Variants in RTN4RL1 observed in about 807,000 individuals in gnomAD.
RTN4RL1 encodes reticulon-4 receptor-like 1.
In RTN4RL1, 7 loss-of-function variants were observed where a neutral mutation model predicts 25.6. The observed-to-expected ratio is 0.27, with a 90% CI of 0.16 to 0.51. The LOEUF (loss-of-function observed/expected upper bound fraction) is 0.51. RTN4RL1 is among the 20% of genes least tolerant of loss of function. The pLI, the probability that RTN4RL1 is intolerant of heterozygous loss-of-function variation, is 0.97. For missense variants in RTN4RL1, 500 were observed against 615.6 expected (o/e 0.81, Z 1.99); for synonymous variants, 297 against 288.2 (o/e 1.03, Z -0.31).
chr17:1,969,047 G>A lies in RTN4RL1; in HGVS notation c.14-31239C>T, dbSNP rs572784248. Among the ~76,000 whole-genome samples the A allele has an allele frequency of 2.1e-3, 296 of 141,574 alleles. 1 individual carries two copies. Among genetic ancestry groups the A allele is most frequent in the African/African-American group, 7.3e-3 (282 of 38,422 alleles). The allele number at this position is 141,574 out of a possible 152,430, so 92.9% of individuals were successfully genotyped here. A position where few individuals can be genotyped will look rare whatever the true frequency, so the allele number is the denominator to read the frequency against. On this transcript the variant is annotated intron_variant, in intron 1 of 1. Coordinates refer to ENST00000331238, the MANE Select transcript of RTN4RL1 (RefSeq NM_178568.4). ...ACAAGTCAGACTCGTGGGGGAGCTG[G>A]ACCACTGTCCCTTTTTTTTTTTTTT...
chr17:2,011,317 T>TC (rs1307847589), intron 1 of RTN4RL1, among the ~76,000 whole-genome samples: 1 of 152,170 alleles, frequency 6.6e-6, no homozygotes, highest in Non-Finnish European at 1.5e-5. Context: ...TCCATACCCC[T>TC]CCTGGCTGAC....
At chr17:1,975,165 G>A (rs892976370) in intron 1 of RTN4RL1, among the ~76,000 whole-genome samples, 8 of 152,176 alleles carry the variant, frequency 5.3e-5, no homozygotes, top group South Asian at 4.1e-4. Flanking sequence ...ACAGGGAGCC[G>A]AGGAAATCCC....
chr17:1,958,793 C>T (rs772524297), intron 1 of RTN4RL1, among the ~76,000 whole-genome samples: 9 of 152,346 alleles, frequency 5.9e-5, no homozygotes, highest in Admixed American at 1.3e-4. Context: ...CGTCCTCCTC[C>T]GGAAGCCTGA....
At chr17:2,015,862 C>T (rs1027021178) in intron 1 of RTN4RL1, among the ~76,000 whole-genome samples, 7 of 152,158 alleles carry the variant, frequency 4.6e-5, no homozygotes, top group Admixed American at 4.6e-4. Flanking sequence ...CTGTGGACAG[C>T]GGACAGTCCT....
intron 1 of RTN4RL1, among the ~76,000 whole-genome samples, chr17:2,009,002 C>T (rs114584577): frequency 1.2e-3 from 188 of 152,296 alleles, no homozygotes; most frequent in African/African-American, 4.3e-3. Flanking sequence ...GCCTGGAACA[C>T]AGTGAGAGTT....
chr17:2,013,561 C>T (rs2067078205), intron 1 of RTN4RL1, among the ~76,000 whole-genome samples: 1 of 151,492 alleles, frequency 6.6e-6, no homozygotes. Context: ...AATACCCCTG[C>T]TCCCTCACCC....
intron 1 of RTN4RL1, among the ~76,000 whole-genome samples, chr17:1,939,400 G>C (rs1054990817): frequency 7.1e-6 from 1 of 139,996 alleles, no homozygotes; most frequent in Non-Finnish European, 1.6e-5. Context: ...ATAAAATACA[G>C]ACAATAGCAG....
At chr17:1,985,232 G>C (rs893383518) in intron 1 of RTN4RL1, among the ~76,000 whole-genome samples, 3 of 152,190 alleles carry the variant, frequency 2.0e-5, no homozygotes, top group Non-Finnish European at 2.9e-5. Flanking sequence ...CTGGCACAAA[G>C]GTGTTCACTC....
chr17:2,023,689 C>G (rs984860497), intron 1 of RTN4RL1: 5 of 148,514 alleles, frequency 3.4e-5, no homozygotes, highest in African/African-American at 9.9e-5. Flanking sequence ...AACCTCCCCC[C>G]CCTCCACCCC....
chr17:2,018,597 C>T (rs530061968), intron 1 of RTN4RL1, among the ~76,000 whole-genome samples: 10 of 152,164 alleles, frequency 6.6e-5, no homozygotes, highest in African/African-American at 9.7e-5. Flanking sequence ...CAGATGGGCA[C>T]GTGAGACAGT....
chr17:1,979,075 C>G (rs2066855772), intron 1 of RTN4RL1, among the ~76,000 whole-genome samples: 1 of 152,234 alleles, frequency 6.6e-6, no homozygotes, highest in South Asian at 2.1e-4. Flanking sequence ...GAGTTCAAGA[C>G]CAGCCTGGCC....
intron 1 of RTN4RL1, among the ~76,000 whole-genome samples, chr17:1,946,330 C>T (rs758192998): frequency 6.6e-5 from 10 of 152,362 alleles, no homozygotes; most frequent in South Asian, 2.1e-4. Flanking sequence ...GCACAAGGCA[C>T]GTGTCTTCTC....
intron 1 of RTN4RL1, among the ~76,000 whole-genome samples, chr17:2,007,686 C>T (rs2067009217): frequency 6.6e-6 from 1 of 152,220 alleles, no homozygotes; most frequent in African/African-American, 2.4e-5. Flanking sequence ...TGGCTCACGC[C>T]TGTAATCCCA....
intron 1 of RTN4RL1, among the ~76,000 whole-genome samples, chr17:2,022,356 T>C (rs1466473939): frequency 6.6e-6 from 1 of 151,858 alleles, no homozygotes; most frequent in Non-Finnish European, 1.5e-5. Flanking sequence ...CCCACTCTGT[T>C]GCCCGAGCTG....
chr17:1,962,212 G>A (rs1397081972), intron 1 of RTN4RL1, among the ~76,000 whole-genome samples: 1 of 150,102 alleles, frequency 6.7e-6, no homozygotes, highest in Non-Finnish European at 1.5e-5. Flanking sequence ...CCTGGGAGGT[G>A]AAGACTGCCA....
At chr17:1,973,517 CAA>C (rs34258472) in intron 1 of RTN4RL1, among the ~76,000 whole-genome samples, 12 of 134,928 alleles carry the variant, frequency 8.9e-5, no homozygotes, top group African/African-American at 8.3e-5. Flanking sequence ...GACTCCATGT[CAA>C]AAAAAAAAAA....
At chr17:1,986,378 C>CA (rs1218601144) in intron 1 of RTN4RL1, among the ~76,000 whole-genome samples, 31 of 152,072 alleles carry the variant, frequency 2.0e-4, no homozygotes, top group African/African-American at 7.5e-4. Flanking sequence ...GGTGGCCCCC[C>CA]AAAAGGATAT....
chr17:1,991,117 C>A (rs960575829), intron 1 of RTN4RL1, among the ~76,000 whole-genome samples: 9 of 152,198 alleles, frequency 5.9e-5, no homozygotes, highest in Admixed American at 2.6e-4. Flanking sequence ...AAACATTTAT[C>A]GAGCATCTCA....
At chr17:1,982,348 C>T (rs1421797868) in intron 1 of RTN4RL1, among the ~76,000 whole-genome samples, 8 of 151,700 alleles carry the variant, frequency 5.3e-5, no homozygotes, top group Non-Finnish European at 7.4e-5. Flanking sequence ...CGAGGTGCCT[C>T]GCGCCTGTAA....
Sources: allele counts gnomAD v4.1 joint callset (sites outside exome capture counted in the v4.1 genomes callset), GRCh38; gene constraint gnomAD v4.1.1; transcripts MANE v1.5; gene names NCBI Gene and HGNC (gene_info 2026-07-23, HGNC 2026-07-21).